DLGAP2: variants seen among roughly 807,000 people sequenced by gnomAD.
The protein encoded by DLGAP2 is disks large-associated protein 2.
DLGAP2 carries 26 observed loss-of-function variants against 100.3 expected under a neutral mutation model. The observed-to-expected ratio is 0.26, with a 90% CI of 0.19 to 0.36. DLGAP2 has a LOEUF of 0.36. Among genes scored for constraint, DLGAP2 ranks in the 10% least tolerant of loss-of-function variants. The pLI, the probability that DLGAP2 is intolerant of heterozygous loss-of-function variation, is 1.00. For synonymous variants in DLGAP2, 886 were observed against 630.1 expected, an observed-to-expected ratio of 1.41 and a Z score of -6.08; for missense variants, 1,858 against 1,453.2, an observed-to-expected ratio of 1.28 and a Z score of -4.53.
At position 1,701,637 on chromosome 8, in the gene DLGAP2, G is replaced by T. The variant is rs1052116346; in HGVS notation, c.*231G>T. ...GTTGTTGTTGTTCACGGGTGGCCTG[G>T]CTCACACTTGGCTCTGAGGGACAGG... is the stretch of plus-strand genomic sequence containing the variant. On this transcript the variant is annotated 3_prime_UTR_variant, in exon 15 of 15. Transcript: ENST00000637795. 10 of 576,662 alleles carry T rather than the reference G, an allele frequency of 1.7e-5. No individual in the cohort carries two copies. The highest frequency in any genetic ancestry group is 3.0e-5 in the Non-Finnish European group (10 of 331,952). The allele number at this position is 576,662 out of a possible 1,614,324, so 35.7% of individuals were successfully genotyped here.
chr8:1,190,765 ACTAGAGCCCAG>A (rs1797616403), intron 2 of DLGAP2, among the ~76,000 whole-genome samples: 2 of 152,116 alleles, frequency 1.3e-5, no homozygotes, highest in Admixed American at 6.5e-5. Context: ...CAGACCCATG[ACTAGAGCCCAG>A]GTTCCAGGTG....
At chr8:1,651,012 A>C (rs944462509) in intron 8 of DLGAP2, among the ~76,000 whole-genome samples, 1 of 152,210 alleles carries the variant, frequency 6.6e-6, no homozygotes, top group Non-Finnish European at 1.5e-5. Flanking sequence ...TACCACCAAG[A>C]AAACCCCTGC....
In DLGAP2 at chr8:1,266,006, A is replaced by C. The variant is rs139100886; in HGVS notation, c.106+7123A>C. ...ATCTACTTTATAATAGATTCAAGATATGCAAAGAAAAAAATGATTACAAGG... is the reference window on the plus strand; with the variant it reads ...ATCTACTTTATAATAGATTCAAGATCTGCAAAGAAAAAAATGATTACAAGG... On this transcript the variant is annotated intron_variant, in intron 3 of 14. Coordinates refer to ENST00000637795, the MANE Select transcript of DLGAP2 (RefSeq NM_001346810.2). Among the ~76,000 whole-genome samples, 708 of 152,350 alleles carry C rather than the reference A, an allele frequency of 4.6e-3. 12 individuals are homozygous for C. In the East Asian group the frequency reaches 0.065, roughly 14 times the overall value.
chr8:745,666 A>G (rs532957801), intron 1 of DLGAP2, among the ~76,000 whole-genome samples: 2 of 152,366 alleles, frequency 1.3e-5, no homozygotes, highest in African/African-American at 4.8e-5. Context: ...ATAGTATAAT[A>G]TTGGAAAACA....
At chr8:748,672 G>T (rs905787796) in intron 1 of DLGAP2, among the ~76,000 whole-genome samples, 43 of 152,142 alleles carry the variant, frequency 2.8e-4, no homozygotes, top group African/African-American at 9.7e-4. Context: ...TTTGCAAATG[G>T]CCTCACTGAG....
intron 6 of DLGAP2, among the ~76,000 whole-genome samples, chr8:1,625,643 T>G (rs1364163037): frequency 6.6e-6 from 1 of 152,236 alleles, no homozygotes; most frequent in African/African-American, 2.4e-5. Flanking sequence ...AGAGAGCCAA[T>G]AATTTTTATG....
intron 3 of DLGAP2, among the ~76,000 whole-genome samples, chr8:1,305,038 G>T (rs1800456323): frequency 6.6e-6 from 1 of 152,180 alleles, no homozygotes; most frequent in Non-Finnish European, 1.5e-5. Context: ...CCATTGCAGT[G>T]GCTGGCAGGT....
chr8:1,344,080 TGTC>T (rs772517619), intron 3 of DLGAP2, among the ~76,000 whole-genome samples: 11 of 29,204 alleles, frequency 3.8e-4, no homozygotes, highest in Non-Finnish European at 5.7e-4. Context: ...TGCCTGCAAA[TGTC>T]GTACTCGGGG....
At chr8:1,304,160 G>T (rs1378043314) in intron 3 of DLGAP2, among the ~76,000 whole-genome samples, 1 of 152,212 alleles carries the variant, frequency 6.6e-6, no homozygotes, top group Non-Finnish European at 1.5e-5. Flanking sequence ...AATGTTCCAT[G>T]GGAGCAGGCC....
intron 3 of DLGAP2, among the ~76,000 whole-genome samples, chr8:1,391,129 G>A (rs1332976904): frequency 2.6e-5 from 4 of 152,246 alleles, no homozygotes; most frequent in African/African-American, 9.6e-5. Flanking sequence ...TTTGGAGGCA[G>A]AAATGTCTGG....
At chr8:794,782 C>G (rs957034794) in intron 1 of DLGAP2, among the ~76,000 whole-genome samples, 7 of 152,174 alleles carry the variant, frequency 4.6e-5, no homozygotes, top group African/African-American at 1.4e-4. Context: ...AACAGCTGGC[C>G]TGTGGGTGAA....
At chr8:1,639,907 A>G (rs1435817597) in intron 8 of DLGAP2, among the ~76,000 whole-genome samples, 4 of 152,162 alleles carry the variant, frequency 2.6e-5, no homozygotes, top group Admixed American at 2.6e-4. Flanking sequence ...GCCCACTGGG[A>G]TGATCCAGGA....
intron 2 of DLGAP2, among the ~76,000 whole-genome samples, chr8:1,198,770 T>A (rs1297086471): frequency 1.3e-5 from 2 of 152,246 alleles, no homozygotes; most frequent in East Asian, 1.9e-4. Flanking sequence ...ACCTGAACGA[T>A]GCTTCCCCTT....
intron 3 of DLGAP2, chr8:1,378,009 C>G (rs979679241): frequency 6.5e-6 from 1 of 153,030 alleles, no homozygotes; most frequent in African/African-American, 2.4e-5. Context: ...CTTGGTCCCT[C>G]TCAGCAGCCA....
At chr8:809,816 T>C (rs756336177) in intron 1 of DLGAP2, among the ~76,000 whole-genome samples, 9 of 152,198 alleles carry the variant, frequency 5.9e-5, no homozygotes, top group Non-Finnish European at 1.3e-4. Context: ...ATGAGTTTTC[T>C]CTGTTTCTTT....
chr8:1,284,341 G>C (rs923161501), intron 3 of DLGAP2, among the ~76,000 whole-genome samples: 1 of 152,128 alleles, frequency 6.6e-6, no homozygotes, highest in Non-Finnish European at 1.5e-5. Flanking sequence ...TGGTATCCGG[G>C]GCTGTGGAAT....
chr8:933,048 T>G (rs1182957624), intron 2 of DLGAP2, among the ~76,000 whole-genome samples: 1 of 152,242 alleles, frequency 6.6e-6, no homozygotes, highest in Non-Finnish European at 1.5e-5. Flanking sequence ...TTTCTGGAGT[T>G]CCTATGGACT....
At chr8:846,811 G>T (rs1008563977) in intron 1 of DLGAP2, among the ~76,000 whole-genome samples, 172 of 152,114 alleles carry the variant, frequency 1.1e-3, no homozygotes, top group Non-Finnish European at 3.5e-4. Context: ...TTGGGATGAG[G>T]TGATATCTCA....
At chr8:1,173,658 C>T (rs115517576) in intron 2 of DLGAP2, among the ~76,000 whole-genome samples, 2,404 of 152,284 alleles carry the variant, frequency 0.016, 52 homozygotes, top group African/African-American at 0.048. Flanking sequence ...ATCAGCAAGA[C>T]GTTATGGGCG....
Sources: gnomAD v4.1 joint callset for allele counts (sites outside exome capture counted in the v4.1 genomes callset) on GRCh38, gnomAD v4.1.1 for gene constraint, MANE v1.5 for transcripts, NCBI Gene and HGNC (gene_info 2026-07-23, HGNC 2026-07-21) for gene names.